CAMTA1: variants seen among roughly 807,000 people sequenced by gnomAD.
CAMTA1 encodes calmodulin-binding transcription activator 1.
A neutral mutation model predicts 170.9 loss-of-function variants in CAMTA1; 27 were observed. The ratio of observed to expected loss-of-function variants is 0.16; its 90% CI spans 0.12 to 0.22. The LOEUF (loss-of-function observed/expected upper bound fraction) is 0.22, where lower values mean the gene tolerates loss of function less well. Ranked by LOEUF, CAMTA1 falls within the 10% of genes least tolerant of loss-of-function variation. The pLI is 1.00. For synonymous variants in CAMTA1, 833 were observed against 891.5 expected, an observed-to-expected ratio of 0.93 and a Z score of 1.17; for missense variants, 1,619 against 2,217.2, an observed-to-expected ratio of 0.73 and a Z score of 5.42.
rs150814894 is a variant in CAMTA1, at chr1:7,321,680, G to A, written c.438+72054G>A. Among the ~76,000 whole-genome samples, 13 of 152,278 alleles carry A rather than the reference G, an allele frequency of 8.5e-5. No individual in the cohort carries two copies. In the East Asian group the frequency reaches 2.1e-3, roughly 25 times the overall value. On this transcript the variant is annotated intron_variant, in intron 5 of 22. Coordinates refer to ENST00000303635, the MANE Select transcript of CAMTA1 (RefSeq NM_015215.4). Reference sequence around the variant, plus strand: ...ATTTTAGGAGCCATCCCAGTAGAGAGTTCACACCATCCCCAGGGATCCCTA... The same window carrying A: ...ATTTTAGGAGCCATCCCAGTAGAGAATTCACACCATCCCCAGGGATCCCTA...
At chr1:7,391,011 T>C (rs534220702) in intron 5 of CAMTA1, among the ~76,000 whole-genome samples, 3 of 152,152 alleles carry the variant, frequency 2.0e-5, no homozygotes, top group African/African-American at 7.2e-5. Flanking sequence ...TTGTTGTTTT[T>C]TTTTTTATGG....
At chr1:6,951,061 G>A (rs1391468572) in intron 3 of CAMTA1, among the ~76,000 whole-genome samples, 1 of 152,214 alleles carries the variant, frequency 6.6e-6, no homozygotes, top group Non-Finnish European at 1.5e-5. Context: ...TTTTGGGCTG[G>A]GAGTTGCAGA....
chr1:7,124,487 A>G (rs1373887317), intron 4 of CAMTA1, among the ~76,000 whole-genome samples: 1 of 152,184 alleles, frequency 6.6e-6, no homozygotes, highest in African/African-American at 2.4e-5. Flanking sequence ...GTCATGCGCC[A>G]TGTGGATGGC....
chr1:7,376,158 T>C (rs1334348061), intron 5 of CAMTA1, among the ~76,000 whole-genome samples: 1 of 152,268 alleles, frequency 6.6e-6, no homozygotes, highest in Non-Finnish European at 1.5e-5. Context: ...TAGAAATGTT[T>C]CAAAGTGCAG....
intron 1 of CAMTA1, among the ~76,000 whole-genome samples, chr1:6,800,487 C>T (rs1040754822): frequency 6.6e-6 from 1 of 152,094 alleles, no homozygotes; most frequent in Non-Finnish European, 1.5e-5. Context: ...TTCTGTATGA[C>T]AGATCTGAGG....
chr1:7,031,202 T>C (rs181329769), intron 3 of CAMTA1, among the ~76,000 whole-genome samples: 2 of 152,206 alleles, frequency 1.3e-5, no homozygotes, highest in East Asian at 3.9e-4. Flanking sequence ...TAGATTTGTC[T>C]ATTTCTTCTT....
intron 5 of CAMTA1, among the ~76,000 whole-genome samples, chr1:7,408,926 G>C (rs1458696655): frequency 6.6e-6 from 1 of 152,180 alleles, no homozygotes; most frequent in Non-Finnish European, 1.5e-5. Flanking sequence ...CGCCAGCCAG[G>C]TGTTCCAACC....
chr1:7,690,012 A>G (rs2096293062), intron 11 of CAMTA1, among the ~76,000 whole-genome samples: 2 of 152,054 alleles, frequency 1.3e-5, no homozygotes, highest in African/African-American at 4.8e-5. Flanking sequence ...ACAAAAAATT[A>G]GCCAGGCGTG....
chr1:7,342,832 C>A (rs1347396916), intron 5 of CAMTA1, among the ~76,000 whole-genome samples: 1 of 152,180 alleles, frequency 6.6e-6, no homozygotes, highest in Non-Finnish European at 1.5e-5. Flanking sequence ...GGCCAGTGGG[C>A]AAACTATTCA....
Position 7,051,186 on chromosome 1 carries a change from C to T in CAMTA1, c.235-40118C>T, listed in dbSNP as rs1489756731. Reference sequence around the variant, plus strand: ...GTTGATACAGCACCTCGGGTCTGAACGTTCTCTCCCAGTGCTTATGAGCTG... The same window carrying T: ...GTTGATACAGCACCTCGGGTCTGAATGTTCTCTCCCAGTGCTTATGAGCTG... On this transcript the variant is annotated intron_variant, in intron 3 of 22. Transcript: ENST00000303635. Among the ~76,000 whole-genome samples, 3 of 152,272 alleles carry T rather than the reference C, an allele frequency of 2.0e-5. No homozygotes were observed. In the East Asian group the frequency reaches 5.8e-4, roughly 29 times the overall value.
intron 2 of CAMTA1, among the ~76,000 whole-genome samples, chr1:6,822,241 A>AT (rs1646573552): frequency 1.3e-5 from 2 of 152,120 alleles, no homozygotes; most frequent in Non-Finnish European, 2.9e-5. Flanking sequence ...GTGTTTAGTT[A>AT]TTTTATCATT....
At chr1:7,155,387 T>TTG (rs1553258591) in intron 4 of CAMTA1, among the ~76,000 whole-genome samples, 2 of 120,974 alleles carry the variant, frequency 1.7e-5, no homozygotes, top group East Asian at 2.7e-4. Flanking sequence ...AGGGCACCGT[T>TTG]GGGGGGGGGA....
chr1:7,760,099 C>G (rs1340293808), intron 22 of CAMTA1, among the ~76,000 whole-genome samples: 1 of 152,210 alleles, frequency 6.6e-6, no homozygotes, highest in Non-Finnish European at 1.5e-5. Context: ...GCCTAGTCAC[C>G]TGTGTTCAGT....
chr1:7,484,909 T>C (rs897811971), intron 6 of CAMTA1, among the ~76,000 whole-genome samples: 2 of 152,044 alleles, frequency 1.3e-5, no homozygotes, highest in African/African-American at 4.8e-5. Flanking sequence ...CTAGGCTCTC[T>C]CCCCTCTCTG....
intron 6 of CAMTA1, among the ~76,000 whole-genome samples, chr1:7,530,761 G>A (rs1377681786): frequency 6.8e-6 from 1 of 147,780 alleles, no homozygotes; most frequent in Admixed American, 6.7e-5. Context: ...AGATCAGAAT[G>A]TGGATTTTTT....
intron 3 of CAMTA1, among the ~76,000 whole-genome samples, chr1:6,994,883 G>T (rs1053772215): frequency 4.6e-5 from 7 of 152,084 alleles, no homozygotes; most frequent in African/African-American, 1.7e-4. Flanking sequence ...GGTCAGGCTG[G>T]TCTAAAACTC....
chr1:7,599,236 G>T (rs1052888364), intron 6 of CAMTA1, among the ~76,000 whole-genome samples: 5 of 152,162 alleles, frequency 3.3e-5, no homozygotes, highest in Non-Finnish European at 5.9e-5. Context: ...GTTTGTCAAA[G>T]GTCAGATAGG....
chr1:7,239,967 C>T (rs1182049985), intron 4 of CAMTA1, among the ~76,000 whole-genome samples: 3 of 152,084 alleles, frequency 2.0e-5, no homozygotes, highest in Non-Finnish European at 4.4e-5. Flanking sequence ...AAGGTAATGA[C>T]GTTAATCCAT....
intron 3 of CAMTA1, among the ~76,000 whole-genome samples, chr1:7,012,484 C>G (rs961916304): frequency 1.3e-5 from 2 of 152,148 alleles, no homozygotes; most frequent in African/African-American, 4.8e-5. Context: ...ACGATTTCTC[C>G]CATCTTAAAG....
Sources: gnomAD v4.1 joint callset for allele counts (sites outside exome capture counted in the v4.1 genomes callset) on GRCh38, gnomAD v4.1.1 for gene constraint, MANE v1.5 for transcripts, NCBI Gene and HGNC (gene_info 2026-07-23, HGNC 2026-07-21) for gene names.